Variants in SNAPC1 observed in about 807,000 individuals in gnomAD.
SNAPC1 encodes small nuclear RNA activating complex polypeptide 1, also known as snRNA-activating protein complex subunit 1.
In SNAPC1, 42 loss-of-function variants were observed where a neutral mutation model predicts 50.1. That is an observed-to-expected ratio of 0.84 (90% CI 0.65 to 1.08). The LOEUF (loss-of-function observed/expected upper bound fraction) is 1.08, where lower values mean the gene tolerates loss of function less well. Ranked by LOEUF, SNAPC1 falls within the 50% of genes least tolerant of loss-of-function variation. SNAPC1 has a pLI of 0.00. For synonymous variants in SNAPC1, 164 were observed against 144.2 expected, an observed-to-expected ratio of 1.14 and a Z score of -0.98; for missense variants, 477 against 427.3, an observed-to-expected ratio of 1.12 and a Z score of -1.02.
rs200761616 is a variant in SNAPC1 at position 61,762,598 on chromosome 14, T to G, written c.128+10T>G. On this transcript the variant is annotated intron_variant, in intron 1 of 9. Transcript: ENST00000216294. ...TCGGGACTATCTTCTGGTGGGTGTT[T>G]CTTGTCCACCACCCGCCTCTCCCTG... 85 of 1,609,658 alleles carry G rather than the reference T, an allele frequency of 5.3e-5. No homozygotes were observed. In the East Asian group the frequency reaches 1.1e-3, roughly 21 times the overall value.
Position 61,778,827 on chromosome 14 carries a change from TC to T in SNAPC1, c.763-19del, listed in dbSNP as rs1314637985. ...ATGTTTGTGTGTTTTAACTTTTTTTTCCTTCTTATTTTACATCCAGAGATGT... is the reference window on the plus strand; with the variant it reads ...ATGTTTGTGTGTTTTAACTTTTTTTTCTTCTTATTTTACATCCAGAGATGT... On this transcript the variant is annotated intron_variant, in intron 6 of 9. Coordinates refer to ENST00000216294, the MANE Select transcript of SNAPC1 (RefSeq NM_003082.4). The T allele has an allele frequency of 2.0e-6, 3 of 1,508,584 alleles. No homozygotes were observed. Among genetic ancestry groups the T allele is most frequent in the Non-Finnish European group, 1.8e-6 (2 of 1,107,860 alleles). 93.4% of individuals were successfully genotyped at this position (1,508,584 alleles called of 1,614,324 possible).
chr14:61,767,153 AAT>A, intron 2 of SNAPC1, 57 bp from the exon 3 acceptor site: 2 of 1,246,722 alleles, frequency 1.6e-6, no homozygotes, highest in Non-Finnish European at 2.1e-6. Flanking sequence ...TTAAAATTAT[AAT>A]ATGTTTGTGA....
In SNAPC1 at chr14:61,777,983, T is replaced by C. The variant is rs77267890; in HGVS notation, c.694-89T>C. On this transcript the variant is annotated intron_variant, in intron 5 of 9. Transcript: ENST00000216294. ...TTAGTTTTTCATTTATTAAAAATGA[T>C]TTCTCACCATTCTAAAATTGATTTG... is the stretch of plus-strand genomic sequence containing the variant. The C allele has an allele frequency of 4.2e-3, 2,507 of 599,754 alleles. 38 individuals carry two copies. Among genetic ancestry groups the C allele is most frequent in the African/African-American group, 0.041 (2,123 of 51,846 alleles). 37.2% of individuals were successfully genotyped at this position (599,754 alleles called of 1,614,324 possible). A position where few individuals can be genotyped will look rare whatever the true frequency, so the allele number is the denominator to read the frequency against.
At position 61,768,695 on chromosome 14, in the gene SNAPC1, C is replaced by T. The variant is rs891382569; in HGVS notation, c.489C>T (p.Asp163=). 1.2e-6 allele frequency: 2 copies of T among 1,611,776 alleles called. No individual in the cohort carries two copies. Among genetic ancestry groups the T allele is most frequent in the Admixed American group, 3.3e-5 (2 of 59,930 alleles). The stretch of plus-strand genomic sequence containing the variant: ...CTGAAGTTACAGAAGAATTTAAGGA[C>T]CCAAGTGATCGTGTGATGAAACTTA... ...HRAEVTEEFK[D]PSDRVMKLIT... is the part of the protein sequence containing the mutation. The change falls in exon 4 of 10, where the codon GAC becomes GAT. Residue 163 remains aspartate, a synonymous_variant. Transcript: ENST00000216294.
At chr14:61,776,050 T>C in intron 4 of SNAPC1, 45 bp from the exon 5 acceptor site, 2 of 1,503,838 alleles carry the variant, frequency 1.3e-6, no homozygotes, top group Non-Finnish European at 1.8e-6. Context: ...TTTTAGTTTC[T>C]CCTCAAAAAG....
At chr14:61,783,286 T>C (rs888979438) in intron 8 of SNAPC1, among the ~76,000 whole-genome samples, 7 of 151,820 alleles carry the variant, frequency 4.6e-5, no homozygotes, top group Non-Finnish European at 7.4e-5. Flanking sequence ...CTGCCTTGGC[T>C]TCCCAAAGTG....
rs372128164 is a variant in SNAPC1 at position 61,766,731 on chromosome 14, A to G, written c.129-145A>G. 1.1e-5 allele frequency: 5 copies of G among 475,276 alleles called. No homozygotes were observed. In the East Asian group the frequency reaches 1.2e-4, roughly 12 times the overall value. 29.4% of individuals were successfully genotyped at this position (475,276 alleles called of 1,614,324 possible). A position where few individuals can be genotyped will look rare whatever the true frequency, so the allele number is the denominator to read the frequency against. ...GTTGCCTTTGCCTTGGTGTAAAATT[A>G]TCTCTTTGTGCTTGAATCATGAAAG... is the stretch of plus-strand genomic sequence containing the variant. On this transcript the variant is annotated intron_variant, in intron 1 of 9. Coordinates refer to ENST00000216294, the MANE Select transcript of SNAPC1 (RefSeq NM_003082.4).
At chr14:61,791,971 C>T (rs568739591) in intron 8 of SNAPC1, among the ~76,000 whole-genome samples, 1 of 151,988 alleles carries the variant, frequency 6.6e-6, no homozygotes, top group East Asian at 1.9e-4. Flanking sequence ...TAGTGAACAT[C>T]TTTCTGTTCT....
intron 2 of SNAPC1, 83 bp downstream of exon 2, chr14:61,767,118 A>G (rs1378172087): frequency 3.7e-6 from 4 of 1,093,490 alleles, no homozygotes; most frequent in East Asian, 6.0e-5. Context: ...ATGATTAAAT[A>G]TGATTTAAAT....
chr14:61,770,389 TG>T (rs1294550851), intron 4 of SNAPC1, among the ~76,000 whole-genome samples: 9 of 151,986 alleles, frequency 5.9e-5, no homozygotes, highest in African/African-American at 2.2e-4. Flanking sequence ...ATTACAGTTG[TG>T]CACCACCATG....
chr14:61,790,553 T>C (rs1367490859), intron 8 of SNAPC1, among the ~76,000 whole-genome samples: 2 of 152,160 alleles, frequency 1.3e-5, no homozygotes, highest in Non-Finnish European at 2.9e-5. Context: ...GCCAGGTTGG[T>C]CTCGAACTCC....
At chr14:61,789,036 G>C (rs573180549) in intron 8 of SNAPC1, among the ~76,000 whole-genome samples, 4 of 152,082 alleles carry the variant, frequency 2.6e-5, no homozygotes, top group African/African-American at 9.7e-5. Flanking sequence ...TTCAAAACCA[G>C]CCTGGCCAAT....
At chr14:61,769,331 G>A (rs1376039715) in intron 4 of SNAPC1, among the ~76,000 whole-genome samples, 3 of 151,356 alleles carry the variant, frequency 2.0e-5, no homozygotes, top group Admixed American at 6.6e-5. Flanking sequence ...ACTCCAGCCT[G>A]GGCAACAGAG....
chr14:61,784,076 C>T (rs1436541655), intron 8 of SNAPC1, among the ~76,000 whole-genome samples: 8 of 151,856 alleles, frequency 5.3e-5, no homozygotes, highest in Non-Finnish European at 4.4e-5. Flanking sequence ...AAGTTAAATA[C>T]CTTTAATATG....
At chr14:61,770,679 G>C (rs1179243379) in intron 4 of SNAPC1, among the ~76,000 whole-genome samples, 1 of 152,112 alleles carries the variant, frequency 6.6e-6, no homozygotes, top group Admixed American at 6.6e-5. Flanking sequence ...CTGGCCTGGA[G>C]ATGGTCCATG....
In SNAPC1 at chr14:61,774,648, A is replaced by ATTTCTTTTTTTT. The variant is rs1172798543; in HGVS notation, c.535-1444_535-1443insCTTTTTTTTTTT. Among the ~76,000 whole-genome samples the ATTTCTTTTTTTT allele has an allele frequency of 1.0e-3, 95 of 90,952 alleles. 12 individuals are homozygous for ATTTCTTTTTTTT. The highest frequency in any genetic ancestry group is 3.1e-3 in the African/African-American group (75 of 24,242). 59.7% of individuals were successfully genotyped at this position (90,952 alleles called of 152,430 possible). On this transcript the variant is annotated intron_variant, in intron 4 of 9. Coordinates refer to ENST00000216294, the MANE Select transcript of SNAPC1 (RefSeq NM_003082.4). ...ACTCACCACTATTGATCAGTTTCTC[A>ATTTCTTTTTTTT]TTTTTTTTTTTTTTTTTTTTTTTTT...
rs2045180376 is a variant in SNAPC1, at chr14:61,795,192, A to G, written c.*209A>G. 1 of 505,322 alleles carries G rather than the reference A, an allele frequency of 2.0e-6. No homozygotes were observed. The highest frequency in any genetic ancestry group is 2.8e-5 in the South Asian group (1 of 35,954). The allele number at this position is 505,322 out of a possible 1,614,324, so 31.3% of individuals were successfully genotyped here. ...TTTAACATTTTCTTTAATGATTTGCATAAATGGAGATAAAACTTGTATTTA... is the reference window on the plus strand; with the variant it reads ...TTTAACATTTTCTTTAATGATTTGCGTAAATGGAGATAAAACTTGTATTTA... On this transcript the variant is annotated 3_prime_UTR_variant, in exon 10 of 10. Coordinates refer to ENST00000216294, the MANE Select transcript of SNAPC1 (RefSeq NM_003082.4).
intron 3 of SNAPC1, among the ~76,000 whole-genome samples, chr14:61,768,360 G>C (rs147826798): frequency 1.3e-5 from 2 of 152,192 alleles, no homozygotes; most frequent in African/African-American, 4.8e-5. Flanking sequence ...TGAGACACTA[G>C]GTTGAAGAGC....
At chr14:61,779,538 T>A (rs2045056685) in intron 7 of SNAPC1, among the ~76,000 whole-genome samples, 1 of 152,030 alleles carries the variant, frequency 6.6e-6, no homozygotes, top group Non-Finnish European at 1.5e-5. Flanking sequence ...ACCAGTAATT[T>A]TTTTTGTTCT....
Sources: gnomAD v4.1 joint callset for allele counts (sites outside exome capture counted in the v4.1 genomes callset) on GRCh38, gnomAD v4.1.1 for gene constraint, MANE v1.5 for transcripts, NCBI Gene and HGNC (gene_info 2026-07-23, HGNC 2026-07-21) for gene names.